Variants in TRAK1 observed in about 807,000 individuals in gnomAD.
TRAK1 encodes the protein trafficking kinesin protein 1.
A neutral mutation model predicts 92.1 loss-of-function variants in TRAK1; 33 were observed. That is an observed-to-expected ratio of 0.36 (90% CI 0.27 to 0.48). TRAK1 has a LOEUF of 0.48. Ranked by LOEUF, TRAK1 falls within the 20% of genes least tolerant of loss-of-function variation. The probability of loss-of-function intolerance (pLI) is 0.99; values close to 1 mark genes in which losing one functional copy is unlikely to be tolerated. For synonymous variants in TRAK1, 521 were observed against 517.3 expected (o/e 1.01, Z -0.10); for missense variants, 1,123 against 1,257.9 (o/e 0.89, Z 1.62).
chr3:42,218,201 A>G (rs1412551117), intron 14 of TRAK1: 2 of 985,226 alleles, frequency 2.0e-6, no homozygotes, highest in East Asian at 1.1e-4. Context: ...TGTTTGTGTC[A>G]TCGGGTTCCT....
At chr3:42,109,679 A>G (rs919304837) in intron 1 of TRAK1, among the ~76,000 whole-genome samples, 2 of 152,200 alleles carry the variant, frequency 1.3e-5, no homozygotes, top group African/African-American at 4.8e-5. Flanking sequence ...ACTATTCACA[A>G]TAGCAAAGAC....
At chr3:42,161,342 A>G (rs1174225883) in intron 2 of TRAK1, among the ~76,000 whole-genome samples, 1 of 152,202 alleles carries the variant, frequency 6.6e-6, no homozygotes, top group East Asian at 1.9e-4. Flanking sequence ...CTTCTGCTTT[A>G]GGATGGTCTA....
At chr3:42,090,326 C>T (rs1414651672), upstream of TRAK1, among the ~76,000 whole-genome samples, 1 of 152,236 alleles carries the variant, frequency 6.6e-6, no homozygotes, top group Non-Finnish European at 1.5e-5. Context: ...AGCATCCAGC[C>T]TGTTAAAGTG....
chr3:42,205,209 G>A (rs532779045), intron 13 of TRAK1, among the ~76,000 whole-genome samples: 1 of 152,196 alleles, frequency 6.6e-6, no homozygotes, highest in African/African-American at 2.4e-5. Context: ...ATCCAGGTCT[G>A]TAGGGCTGAG....
At chr3:42,157,213 C>T (rs576937955) in intron 2 of TRAK1, among the ~76,000 whole-genome samples, 3 of 151,174 alleles carry the variant, frequency 2.0e-5, no homozygotes, top group Admixed American at 2.0e-4. Flanking sequence ...AATCCCAGCA[C>T]TTTGGGAGGC....
chr3:42,064,035 G>A (rs1332683767), intron 1 of TRAK1, among the ~76,000 whole-genome samples: 2 of 152,144 alleles, frequency 1.3e-5, no homozygotes, highest in Admixed American at 6.5e-5. Flanking sequence ...TGAGAGAGAG[G>A]CCCAGTCATC....
intron 1 of TRAK1, among the ~76,000 whole-genome samples, chr3:42,102,940 G>GT (rs1185749848): frequency 6.6e-6 from 1 of 152,088 alleles, no homozygotes; most frequent in Non-Finnish European, 1.5e-5. Context: ...TTGTGGTTAC[G>GT]TTTTTTCTTG....
chr3:42,105,548 G>A (rs1185973802), intron 1 of TRAK1, among the ~76,000 whole-genome samples: 2 of 152,222 alleles, frequency 1.3e-5, no homozygotes, highest in African/African-American at 2.4e-5. Flanking sequence ...TCTGATTGGT[G>A]TACCTGAAAG....
intron 1 of TRAK1, among the ~76,000 whole-genome samples, chr3:42,093,742 A>C (rs1576309759): frequency 4.5e-5 from 5 of 110,536 alleles, no homozygotes; most frequent in South Asian, 3.4e-4. Context: ...CACTTCTATC[A>C]CCCAGGCTGG....
intron 2 of TRAK1, among the ~76,000 whole-genome samples, chr3:42,164,214 G>GATCT (rs941217671): frequency 2.6e-5 from 4 of 152,168 alleles, no homozygotes; most frequent in Non-Finnish European, 5.9e-5. Flanking sequence ...TGTGGATTTG[G>GATCT]ATCTAACCGT....
intron 1 of TRAK1, among the ~76,000 whole-genome samples, chr3:42,114,156 A>C (rs1339978939): frequency 6.6e-6 from 1 of 152,194 alleles, no homozygotes; most frequent in African/African-American, 2.4e-5. Context: ...AGCGTATATC[A>C]GTACTTCATT....
intron 2 of TRAK1, among the ~76,000 whole-genome samples, chr3:42,133,720 T>G (rs1697517199): frequency 6.6e-6 from 1 of 152,266 alleles, no homozygotes; most frequent in African/African-American, 2.4e-5. Context: ...CTTGCCAGCG[T>G]TGTGCTAAAT....
chr3:42,136,139 T>C (rs370564604), intron 2 of TRAK1, among the ~76,000 whole-genome samples: 1 of 152,146 alleles, frequency 6.6e-6, no homozygotes, highest in Non-Finnish European at 1.5e-5. Context: ...GTTTACTTTT[T>C]TGGTGGGTTT....
intron 2 of TRAK1, among the ~76,000 whole-genome samples, chr3:42,157,675 A>G (rs183866404): frequency 2.0e-4 from 31 of 152,220 alleles, no homozygotes; most frequent in Admixed American, 1.9e-3. Flanking sequence ...TGTATTGTTC[A>G]AAAAATCTGT....
At chr3:42,069,522 TA>T (rs1299288957) in intron 1 of TRAK1, among the ~76,000 whole-genome samples, 1 of 152,110 alleles carries the variant, frequency 6.6e-6, no homozygotes, top group Non-Finnish European at 1.5e-5. Context: ...CTATTGGAAA[TA>T]TTCTTTAATT....
chr3:42,047,799 A>G (rs1282164957), intron 1 of TRAK1, among the ~76,000 whole-genome samples: 1 of 152,168 alleles, frequency 6.6e-6, no homozygotes. Flanking sequence ...AGCAGGGAAC[A>G]TCTTGCCAGA....
chr3:42,022,719 T>C (rs7428948), intron 1 of TRAK1, among the ~76,000 whole-genome samples: 140,868 of 147,298 alleles, frequency 0.96, 67,246 homozygotes, highest in East Asian at 1. Flanking sequence ...GAGACCCTGT[T>C]TTAAAAAAAA....
chr3:42,213,015 G>A (rs540015751), intron 14 of TRAK1, among the ~76,000 whole-genome samples: 1 of 151,594 alleles, frequency 6.6e-6, no homozygotes, highest in Non-Finnish European at 1.5e-5. Flanking sequence ...TTACCTGGCA[G>A]TGGCCCTGCA....
At chr3:42,153,091 CA>C (rs765596240) in intron 2 of TRAK1, among the ~76,000 whole-genome samples, 10 of 151,176 alleles carry the variant, frequency 6.6e-5, no homozygotes, top group East Asian at 1.9e-4. Flanking sequence ...AGGCCTTTAA[CA>C]AAAAAAAATC....
Sources: allele counts gnomAD v4.1 joint callset (sites outside exome capture counted in the v4.1 genomes callset), GRCh38; gene constraint gnomAD v4.1.1; transcripts MANE v1.5; gene names NCBI Gene and HGNC (gene_info 2026-07-23, HGNC 2026-07-21).